Variants in NUDCD1 observed in about 807,000 individuals in gnomAD.
NUDCD1 encodes NudC domain containing 1.
A neutral mutation model predicts 67.8 loss-of-function variants in NUDCD1; 60 were observed. That is an observed-to-expected ratio of 0.88 (90% CI 0.72 to 1.10). The LOEUF (loss-of-function observed/expected upper bound fraction) is 1.10, where lower values mean the gene tolerates loss of function less well. Among genes scored for constraint, NUDCD1 ranks in the 50% least tolerant of loss-of-function variants. The pLI is 0.00. For synonymous variants in NUDCD1, 244 were observed against 230.8 expected, an observed-to-expected ratio of 1.06 and a Z score of -0.52; for missense variants, 643 against 695.0, an observed-to-expected ratio of 0.93 and a Z score of 0.84.
intron 1 of NUDCD1, among the ~76,000 whole-genome samples, chr8:109,325,124 A>G (rs1221164394): frequency 6.6e-6 from 1 of 152,026 alleles, no homozygotes; most frequent in East Asian, 1.9e-4. Flanking sequence ...GTACAGAAAG[A>G]CATCATACAC....
chr8:109,302,541 C>A (rs1023171761), intron 2 of NUDCD1, among the ~76,000 whole-genome samples: 1 of 152,114 alleles, frequency 6.6e-6, no homozygotes, highest in Non-Finnish European at 1.5e-5. Context: ...CACTCCCCCA[C>A]CCTATAACCC....
intron 8 of NUDCD1, among the ~76,000 whole-genome samples, chr8:109,270,399 G>A (rs1255021796): frequency 6.6e-6 from 1 of 151,560 alleles, no homozygotes; most frequent in Non-Finnish European, 1.5e-5. Context: ...AAGTGAAGGT[G>A]AAGATGCAGT....
intron 9 of NUDCD1, among the ~76,000 whole-genome samples, chr8:109,243,663 G>A (rs937230800): frequency 5.9e-5 from 9 of 152,100 alleles, no homozygotes; most frequent in African/African-American, 7.2e-5. Flanking sequence ...ATTTAGCTTC[G>A]TGAGTTACGG....
At chr8:109,257,200 A>T (rs1335269341) in intron 8 of NUDCD1, among the ~76,000 whole-genome samples, 2 of 152,140 alleles carry the variant, frequency 1.3e-5, no homozygotes, top group Admixed American at 6.5e-5. Context: ...GGAAAAGAAG[A>T]AGTTAAACTG....
intron 8 of NUDCD1, among the ~76,000 whole-genome samples, chr8:109,251,890 G>A (rs1377083853): frequency 6.6e-6 from 1 of 152,004 alleles, no homozygotes; most frequent in African/African-American, 2.4e-5. Flanking sequence ...AGTATAACAT[G>A]TAATGCTGTA....
intron 3 of NUDCD1, among the ~76,000 whole-genome samples, chr8:109,295,926 T>C (rs866323005): frequency 1.3e-5 from 2 of 152,186 alleles, no homozygotes; most frequent in Admixed American, 6.6e-5. Flanking sequence ...GTCTTGGAAA[T>C]TGGCATATAA....
At chr8:109,311,539 G>A (rs1406291512) in intron 2 of NUDCD1, among the ~76,000 whole-genome samples, 1 of 112,860 alleles carries the variant, frequency 8.9e-6, no homozygotes, top group East Asian at 2.2e-4. Flanking sequence ...CAATCAATGA[G>A]TGGATAAAGA....
chr8:109,309,353 C>T (rs1208262803), intron 2 of NUDCD1, among the ~76,000 whole-genome samples: 1 of 152,094 alleles, frequency 6.6e-6, no homozygotes, highest in African/African-American at 2.4e-5. Flanking sequence ...GAATTAAAAA[C>T]AAAAATCACA....
intron 2 of NUDCD1, among the ~76,000 whole-genome samples, chr8:109,306,554 G>A (rs542089294): frequency 2.6e-5 from 4 of 151,614 alleles, no homozygotes; most frequent in South Asian, 2.1e-4. Context: ...TCAATCTTGC[G>A]TGGTATATGA....
chr8:109,242,907 T>C lies in NUDCD1; in HGVS notation c.*102A>G, dbSNP rs950002142. ...AAAAAATAAAAAATCATACAAGATA[T>C]ATTTAGCACATTAAAACTTAAGAGG... is the stretch of plus-strand genomic sequence containing the variant. On this transcript the variant is annotated 3_prime_UTR_variant, in exon 10 of 10. Transcript: ENST00000239690. The C allele has an allele frequency of 1.1e-5, 7 of 616,600 alleles. No homozygotes were observed. The highest frequency in any genetic ancestry group is 1.1e-4 in the African/African-American group (6 of 54,370). The allele number at this position is 616,600 out of a possible 1,614,324, so 38.2% of individuals were successfully genotyped here.
chr8:109,333,185 G>C (rs905698608), intron 1 of NUDCD1, among the ~76,000 whole-genome samples: 21 of 152,140 alleles, frequency 1.4e-4, no homozygotes, highest in Non-Finnish European at 2.6e-4. Context: ...ATTTCTCAAA[G>C]TGTGATCTCT....
rs1256064049 is a variant in NUDCD1 at position 109,245,549 on chromosome 8, A to G, written c.1300-68T>C. ...ATAATAGCAACAATAACAATGGCAG[A>G]AGCTGACAGCCAGCATTAAGTGTCA... On this transcript the variant is annotated intron_variant, in intron 8 of 9. Transcript: ENST00000239690. The G allele has an allele frequency of 3.6e-5, 45 of 1,242,206 alleles. 1 individual carries two copies. The Admixed American group carries it at 9.1e-4, about 25-fold the overall frequency. 76.9% of individuals were successfully genotyped at this position (1,242,206 alleles called of 1,614,324 possible). A position where few individuals can be genotyped will look rare whatever the true frequency, so the allele number is the denominator to read the frequency against.
At chr8:109,277,352 C>T (rs1993593) in intron 6 of NUDCD1, among the ~76,000 whole-genome samples, 14,866 of 152,100 alleles carry the variant, frequency 0.098, 774 homozygotes, top group Middle Eastern at 0.14. Flanking sequence ...AGAGTTGATA[C>T]AATCTGTTAT....
chr8:109,252,475 A>G (rs566734866), intron 8 of NUDCD1, among the ~76,000 whole-genome samples: 92 of 152,184 alleles, frequency 6.0e-4, no homozygotes, highest in African/African-American at 2.0e-3. Context: ...TGCAGGCAAG[A>G]CTTCATACTT....
At chr8:109,276,611 T>C (rs976270202) in intron 6 of NUDCD1, among the ~76,000 whole-genome samples, 1 of 152,236 alleles carries the variant, frequency 6.6e-6, no homozygotes, top group Non-Finnish European at 1.5e-5. Context: ...TGAGTACTTA[T>C]AATTAGCACT....
At position 109,242,998 on chromosome 8, in the gene NUDCD1, T is replaced by C; in HGVS notation, c.*11A>G. 2.6e-6 allele frequency: 4 copies of C among 1,542,790 alleles called. No homozygotes were observed. Among genetic ancestry groups the C allele is most frequent in the South Asian group, 1.1e-5 (1 of 88,004 alleles). ...CTTTTCCAGTACAAAGAGGCCAATATGTTAGAATAATTAATTCTCTGTATT... is the reference window on the plus strand; with the variant it reads ...CTTTTCCAGTACAAAGAGGCCAATACGTTAGAATAATTAATTCTCTGTATT... On this transcript the variant is annotated 3_prime_UTR_variant, in exon 10 of 10. Coordinates refer to ENST00000239690, the MANE Select transcript of NUDCD1 (RefSeq NM_032869.4).
chr8:109,288,959 T>C (rs140410380), intron 5 of NUDCD1, among the ~76,000 whole-genome samples: 10 of 151,676 alleles, frequency 6.6e-5, no homozygotes, highest in African/African-American at 1.9e-4. Flanking sequence ...TATAAATTTC[T>C]TCTGAAATTT....
At chr8:109,324,443 T>C (rs2980636) in intron 1 of NUDCD1, among the ~76,000 whole-genome samples, 98,570 of 151,510 alleles carry the variant, frequency 0.65, 33,360 homozygotes, top group African/African-American at 0.85. Context: ...AAAGGGAACA[T>C]ATAATCTGTC....
At chr8:109,266,244 G>C (rs1396376035) in intron 8 of NUDCD1, among the ~76,000 whole-genome samples, 1 of 143,770 alleles carries the variant, frequency 7.0e-6, no homozygotes, top group African/African-American at 2.6e-5. Context: ...TTTTTTTTTT[G>C]AGACGGAGTC....
Sources: gnomAD v4.1 joint callset for allele counts (sites outside exome capture counted in the v4.1 genomes callset) on GRCh38, gnomAD v4.1.1 for gene constraint, MANE v1.5 for transcripts, NCBI Gene and HGNC (gene_info 2026-07-23, HGNC 2026-07-21) for gene names.